Variants in IL1RAPL2 observed in about 807,000 individuals in gnomAD.
IL1RAPL2 encodes interleukin 1 receptor accessory protein like 2.
In IL1RAPL2, 3 loss-of-function variants were observed where a neutral mutation model predicts 44.1. The ratio of observed to expected loss-of-function variants is 0.07; its 90% confidence interval spans 0.03 to 0.18. IL1RAPL2 has a LOEUF of 0.18. Ranked by LOEUF, IL1RAPL2 falls within the 10% of genes least tolerant of loss-of-function variation. IL1RAPL2 has a pLI of 1.00. For missense variants in IL1RAPL2, 391 were observed against 496.4 expected (o/e 0.79, Z 2.02); for synonymous variants, 181 against 178.8 (o/e 1.01, Z -0.10).
At chrX:104,779,156 A>G (rs1046941362) in intron 2 of IL1RAPL2, among the ~76,000 whole-genome samples, 2 of 112,555 alleles carry the variant, frequency 1.8e-5, no homozygotes, top group African/African-American at 3.2e-5. Flanking sequence ...ATAGCTCATA[A>G]CTTGTTATTA....
At chrX:104,793,080 G>A (rs1203330750) in intron 2 of IL1RAPL2, among the ~76,000 whole-genome samples, 4 of 112,199 alleles carry the variant, frequency 3.6e-5, no homozygotes, top group Non-Finnish European at 7.5e-5. Flanking sequence ...TCCAGCTGGG[G>A]AACTGAGGTC....
rs542622101 is a variant in IL1RAPL2 at position 104,646,023 on chromosome X, A to G, written c.-19-12872A>G. ...AGAGATCTATGGTGGTAGGCCACAG[A>G]TCTCTGTTATATGTCATATCTTATT... is the stretch of plus-strand genomic sequence containing the variant. On this transcript the variant is annotated intron_variant, in intron 1 of 10. Transcript: ENST00000372582. Among the ~76,000 whole-genome samples, 3 of 112,102 alleles carry G rather than the reference A, an allele frequency of 2.7e-5. No homozygotes were observed. The South Asian group carries it at 1.1e-3, about 42-fold the overall frequency.
At chrX:105,559,544 C>T (rs2036918419) in intron 6 of IL1RAPL2, among the ~76,000 whole-genome samples, 1 of 111,498 alleles carries the variant, frequency 9.0e-6, no homozygotes, top group African/African-American at 3.3e-5. Context: ...CCCAAAGTGT[C>T]ACCCAGTTAT....
chrX:104,672,620 G>C (rs1930634667), intron 2 of IL1RAPL2, among the ~76,000 whole-genome samples: 1 of 103,254 alleles, frequency 9.7e-6, no homozygotes, highest in Non-Finnish European at 2.0e-5. Context: ...CCAGTAATGG[G>C]ATGGCTGGGT....
At chrX:104,850,210 T>C (rs1294154133) in intron 2 of IL1RAPL2, among the ~76,000 whole-genome samples, 1 of 111,400 alleles carries the variant, frequency 9.0e-6, no homozygotes, top group East Asian at 2.8e-4. Context: ...AGTTGGATTT[T>C]TTTTTTAAAA....
At chrX:105,727,530 T>C (rs1190312492) in intron 7 of IL1RAPL2, among the ~76,000 whole-genome samples, 1 of 111,427 alleles carries the variant, frequency 9.0e-6, no homozygotes, top group African/African-American at 3.3e-5. Flanking sequence ...AGTAGTGATA[T>C]TGATGATATG....
intron 6 of IL1RAPL2, among the ~76,000 whole-genome samples, chrX:105,505,821 A>G (rs1398178817): frequency 2.7e-5 from 3 of 111,913 alleles, no homozygotes; most frequent in African/African-American, 9.7e-5. Context: ...AGTAACACAG[A>G]GATGTCCTAT....
chrX:105,310,525 C>T (rs1360827334), intron 5 of IL1RAPL2, among the ~76,000 whole-genome samples: 1 of 111,023 alleles, frequency 9.0e-6, no homozygotes, highest in Non-Finnish European at 1.9e-5. Flanking sequence ...ATTTACTTGT[C>T]TTTTAAAATC....
chrX:105,613,744 T>G (rs2037352975), intron 6 of IL1RAPL2, among the ~76,000 whole-genome samples: 1 of 111,656 alleles, frequency 9.0e-6, no homozygotes, highest in Non-Finnish European at 1.9e-5. Context: ...GGGGTGAAAC[T>G]CCTTTGCCTG....
At chrX:105,247,392 T>A (rs751481377) in intron 4 of IL1RAPL2, among the ~76,000 whole-genome samples, 1 of 110,998 alleles carries the variant, frequency 9.0e-6, no homozygotes, top group Non-Finnish European at 1.9e-5. Context: ...CTATCAAAAT[T>A]GTTACTCCAG....
intron 1 of IL1RAPL2, among the ~76,000 whole-genome samples, chrX:104,627,053 A>C (rs943606850): frequency 4.6e-5 from 5 of 109,314 alleles, no homozygotes; most frequent in African/African-American, 1.7e-4. Context: ...TCCTGACCTC[A>C]TGATCCGCCC....
intron 5 of IL1RAPL2, among the ~76,000 whole-genome samples, chrX:105,299,813 T>C (rs2034682781): frequency 8.9e-6 from 1 of 112,045 alleles, no homozygotes; most frequent in African/African-American, 3.2e-5. Flanking sequence ...ACTATATTTC[T>C]GTTTGGAACG....
intron 2 of IL1RAPL2, among the ~76,000 whole-genome samples, chrX:104,983,011 C>A (rs1448530822): frequency 9.0e-6 from 1 of 111,095 alleles, no homozygotes; most frequent in Non-Finnish European, 1.9e-5. Context: ...TTGACTGTTA[C>A]ATTTTACTAC....
chrX:105,487,978 C>A (rs374977986), intron 6 of IL1RAPL2, among the ~76,000 whole-genome samples: 3 of 112,289 alleles, frequency 2.7e-5, no homozygotes, highest in African/African-American at 6.5e-5. Flanking sequence ...TTCTGGACAT[C>A]CTCAAGCTAG....
At chrX:105,166,092 A>G (rs2033369348) in intron 2 of IL1RAPL2, among the ~76,000 whole-genome samples, 1 of 111,775 alleles carries the variant, frequency 8.9e-6, no homozygotes, top group Non-Finnish European at 1.9e-5. Context: ...AATCATATTG[A>G]TAAAAACTAC....
intron 5 of IL1RAPL2, among the ~76,000 whole-genome samples, chrX:105,471,724 C>T (rs5962531): frequency 3.6e-5 from 4 of 111,191 alleles, no homozygotes; most frequent in Non-Finnish European, 7.6e-5. Flanking sequence ...AGACAAGTAA[C>T]TAGCCTTCAT....
rs1286481070 is a variant in IL1RAPL2 at position 104,653,177 on chromosome X, T to A, written c.-19-5718T>A. On this transcript the variant is annotated intron_variant, in intron 1 of 10. Transcript: ENST00000372582. ...GGAAATCCCTTGCAAGATTATTACATCTTCTGTTAGACCTTCAGCTGGTGC... is the reference window on the plus strand; with the variant it reads ...GGAAATCCCTTGCAAGATTATTACAACTTCTGTTAGACCTTCAGCTGGTGC... Among the ~76,000 whole-genome samples the A allele has an allele frequency of 8.1e-5, 9 of 111,754 alleles. No individual in the cohort carries two copies. The Admixed American group carries it at 8.6e-4, about 11-fold the overall frequency.
At chrX:105,707,894 G>A (rs962910663) in intron 6 of IL1RAPL2, among the ~76,000 whole-genome samples, 3 of 110,904 alleles carry the variant, frequency 2.7e-5, no homozygotes, top group Admixed American at 9.6e-5. Flanking sequence ...TCATGGTATC[G>A]GTGGCACTTG....
intron 1 of IL1RAPL2, among the ~76,000 whole-genome samples, chrX:104,624,863 C>G (rs888215638): frequency 1.8e-5 from 2 of 111,286 alleles, no homozygotes; most frequent in Admixed American, 9.6e-5. Context: ...GGTAGATCTA[C>G]TTACACTAGC....
Sources: gnomAD v4.1 joint callset for allele counts (sites outside exome capture counted in the v4.1 genomes callset) on GRCh38, gnomAD v4.1.1 for gene constraint, MANE v1.5 for transcripts, NCBI Gene and HGNC (gene_info 2026-07-23, HGNC 2026-07-21) for gene names.